Variants in ZNF750 observed in about 807,000 individuals in gnomAD.
ZNF750 encodes zinc finger protein 750, also known as protein ZNF750.
A neutral mutation model predicts 31.6 loss-of-function variants in ZNF750; 10 were observed. The observed-to-expected ratio is 0.32, with a 90% CI of 0.19 to 0.54. The LOEUF (loss-of-function observed/expected upper bound fraction) is 0.54, where lower values mean the gene tolerates loss of function less well. Among genes scored for constraint, ZNF750 ranks in the 20% least tolerant of loss-of-function variants. ZNF750 has a pLI of 0.95. For missense variants in ZNF750, 914 were observed against 934.9 expected (o/e 0.98, Z 0.29); for synonymous variants, 400 against 404.9 (o/e 0.99, Z 0.15).
rs1482186254 is a variant in ZNF750, at chr17:82,833,004, G to T, written c.-182-368C>A. On this transcript the variant is annotated intron_variant, in intron 1 of 2. Coordinates refer to ENST00000269394, the MANE Select transcript of ZNF750 (RefSeq NM_024702.3). The surrounding 1 kb of genome is among the most constrained non-coding windows in gnomAD (Gnocchi z 4.7). ...TTTCCTCGAAAGCGCCCTGCCGGGG[G>T]CTGAGGACACCGAGCCCCCTCCCAG... Among the ~76,000 whole-genome samples, 1 of 152,152 alleles carries T rather than the reference G, an allele frequency of 6.6e-6. No homozygotes were observed.
In ZNF750 at chr17:82,832,526, G is replaced by A. The variant is rs565671741; in HGVS notation, c.-72C>T. The A allele has an allele frequency of 1.4e-6, 2 of 1,405,808 alleles. No homozygotes were observed. The highest frequency in any genetic ancestry group is 1.4e-5 in the African/African-American group (1 of 71,058). The allele number at this position is 1,405,808 out of a possible 1,614,324, so 87.1% of individuals were successfully genotyped here. A position where few individuals can be genotyped will look rare whatever the true frequency, so the allele number is the denominator to read the frequency against. The stretch of plus-strand genomic sequence containing the variant: ...CTGTCGACGCCGCGTGCACTTCGTG[G>A]TTTCTAAAGAGGCACCTCCCGCTTT... On this transcript the variant is annotated 5_prime_UTR_variant, in exon 2 of 3. Coordinates refer to ENST00000269394, the MANE Select transcript of ZNF750 (RefSeq NM_024702.3). This position sits in a 1 kb window ranked among gnomAD's most constrained non-coding sequence, Gnocchi z 4.9.
rs1274947731 is a variant in ZNF750, at chr17:82,831,022, A to G, written c.1433T>C (p.Val478Ala). 5.0e-6 allele frequency: 8 copies of G among 1,614,132 alleles called. No homozygotes were observed. Among genetic ancestry groups the G allele is most frequent in the Non-Finnish European group, 6.8e-6 (8 of 1,180,036 alleles). The change falls in exon 2 of 3, where the codon GTA becomes GCA. Residue 478 changes from valine (V) to alanine (A), a missense_variant. By Grantham distance (64) the Val-to-Ala change is moderately conservative. Around this residue, in one of 2 missense-constraint regions of ZNF750, gnomAD observed 880 missense variants for 868.9 expected, o/e 1.01. Transcript: ENST00000269394. This position sits in a 1 kb window ranked among gnomAD's most constrained non-coding sequence, Gnocchi z 4.6. ...QAAETTAESP[V>A]SLNVVNGDPP... ...TTTGAAAATGACATTTTCTTACCTT[A>G]CTGGAGACTCTGCTGTGGTCTCAGC... is the stretch of plus-strand genomic sequence containing the variant.
chr17:82,832,499 C>T lies in ZNF750; in HGVS notation c.-45G>A, dbSNP rs532082181. The T allele has an allele frequency of 7.0e-5, 109 of 1,564,960 alleles. No individual in the cohort carries two copies. In the South Asian group the frequency reaches 1.1e-3, roughly 16 times the overall value. On this transcript the variant is annotated 5_prime_UTR_variant, in exon 2 of 3. Coordinates refer to ENST00000269394, the MANE Select transcript of ZNF750 (RefSeq NM_024702.3). The surrounding 1 kb of genome is among the most constrained non-coding windows in gnomAD (Gnocchi z 4.9). ...ACTCTGGCTGTCCAGGTGGCGTGAT[C>T]ACTGTCGACGCCGCGTGCACTTCGT...
Position 82,830,019 on chromosome 17 carries a change from TTTTG to T in ZNF750, c.*119_*122del. On this transcript the variant is annotated 3_prime_UTR_variant, in exon 3 of 3. Transcript: ENST00000269394. Reference sequence around the variant, plus strand: ...TTTTTGTTTGTTTGTTTGTTTGTTTTTTTGAGAAGCAGCAGCTGCATTTGTAAAA... The same window carrying T: ...TTTTTGTTTGTTTGTTTGTTTGTTTTAGAAGCAGCAGCTGCATTTGTAAAA... 6.9e-7 allele frequency: 1 copy of T among 1,443,494 alleles called. No homozygotes were observed. 89.4% of individuals were successfully genotyped at this position (1,443,494 alleles called of 1,614,324 possible).
In ZNF750 at chr17:82,829,907, T is replaced by TA; in HGVS notation, c.*234dup. The TA allele has an allele frequency of 1.6e-6, 1 of 621,700 alleles. No individual in the cohort carries two copies. Among genetic ancestry groups the TA allele is most frequent in the South Asian group, 2.0e-5 (1 of 49,842 alleles). The allele number at this position is 621,700 out of a possible 1,614,324, so 38.5% of individuals were successfully genotyped here. ...TAGACTTGAAAATACATATCAGTCT[T>TA]AGAGTCATTCAGGTGTTTTTACAAC... On this transcript the variant is annotated 3_prime_UTR_variant, in exon 3 of 3. Coordinates refer to ENST00000269394, the MANE Select transcript of ZNF750 (RefSeq NM_024702.3).
Position 82,832,735 on chromosome 17 carries a change from A to G in ZNF750, c.-182-99T>C, listed in dbSNP as rs11077947. 222,682 of 497,236 alleles carry G rather than the reference A, an allele frequency of 0.45. 50,433 individuals are homozygous for G. Among genetic ancestry groups the G allele is most frequent in the East Asian group, 0.53 (14,098 of 26,792 alleles). 30.8% of individuals were successfully genotyped at this position (497,236 alleles called of 1,614,324 possible). A position where few individuals can be genotyped will look rare whatever the true frequency, so the allele number is the denominator to read the frequency against. On this transcript the variant is annotated intron_variant, in intron 1 of 2. Transcript: ENST00000269394. The surrounding 1 kb of genome is among the most constrained non-coding windows in gnomAD (Gnocchi z 4.9). Reference sequence around the variant, plus strand: ...AGTGCCACAGGATCCCTGAAGCAGAACCCCTGAAGGGCTGAAACTGCCTGC... The same window carrying G: ...AGTGCCACAGGATCCCTGAAGCAGAGCCCCTGAAGGGCTGAAACTGCCTGC...
At position 82,832,156 on chromosome 17, in the gene ZNF750, G is replaced by C; in HGVS notation, c.299C>G (p.Ser100Trp). The change falls in exon 2 of 3, where the codon TCG becomes TGG. Residue 100 changes from serine (S) to tryptophan (W), a missense_variant. Transcript: ENST00000269394. The surrounding 1 kb of genome is among the most constrained non-coding windows in gnomAD (Gnocchi z 4.9). ...CCTGGCAGAGCTGTGCTGAAGCTTC[G>C]AGTCGAAGGCAGAGAGTCCATTTGC... ...SVANGLSAFDSKLQHSSARED... is the reference protein window; with the variant it reads ...SVANGLSAFDWKLQHSSARED... 2 of 1,614,220 alleles carry C rather than the reference G, an allele frequency of 1.2e-6. No homozygotes were observed. The highest frequency in any genetic ancestry group is 1.7e-6 in the Non-Finnish European group (2 of 1,180,044).
rs2053553065 is a variant in ZNF750 at position 82,831,924 on chromosome 17, C to T, written c.531G>A (p.Glu177=). Residue 177 remains glutamate (E), a synonymous_variant, in exon 2 of 3, where the codon GAG becomes GAA. Transcript: ENST00000269394. This position sits in a 1 kb window ranked among gnomAD's most constrained non-coding sequence, Gnocchi z 4.6. The part of the protein sequence containing the change: ...EHRLKGPDNA[E]APETLALHNP... The stretch of plus-strand genomic sequence containing the variant: ...TGTGTAAAGCCAGTGTCTCGGGCGC[C>T]TCGGCGTTGTCTGGCCCCTTGAGTC... The T allele has an allele frequency of 1.9e-6, 3 of 1,614,212 alleles. No individual in the cohort carries two copies. The highest frequency in any genetic ancestry group is 3.3e-5 in the Admixed American group (2 of 60,030).
chr17:82,836,454 C>G (rs114542425), intron 1 of ZNF750, among the ~76,000 whole-genome samples: 6 of 152,194 alleles, frequency 3.9e-5, no homozygotes, highest in Non-Finnish European at 8.8e-5. Flanking sequence ...CTCGCGAGAC[C>G]GAAACGCCGC....
Position 82,830,213 on chromosome 17 carries a change from C to T in ZNF750, c.2101G>A (p.Gly701Arg), listed in dbSNP as rs1395854673. Residue 701 changes from glycine (G) to arginine (R), a missense_variant, in exon 3 of 3, where the codon GGA becomes AGA. Coordinates refer to ENST00000269394, the MANE Select transcript of ZNF750 (RefSeq NM_024702.3). ...TCCTGCAGCTTCGCCTTCTTAGCTCCTTGCTGGGATTTTCCAGCATCCCTT... is the reference window on the plus strand; with the variant it reads ...TCCTGCAGCTTCGCCTTCTTAGCTCTTTGCTGGGATTTTCCAGCATCCCTT... ...SLRDAGKSQQ[G>R]AKKAKLQDTA... 1.2e-6 allele frequency: 2 copies of T among 1,614,154 alleles called. No individual in the cohort carries two copies. Among genetic ancestry groups the T allele is most frequent in the African/African-American group, 2.7e-5 (2 of 74,952 alleles).
chr17:82,831,589 C>T lies in ZNF750; in HGVS notation c.866G>A (p.Gly289Glu). ...TGGAGCCAGGTGCTTAGGGATCGGC[C>T]CCGGGTGAGGCAGGAAGTGTCTCGG... Reference protein sequence around the residue: ...QDPRHFLPHPGPIPKHLAPSP... With the variant: ...QDPRHFLPHPEPIPKHLAPSP... Residue 289 changes from glycine to glutamate, a missense_variant, in exon 2 of 3, where the codon GGG (glycine) becomes GAG (glutamate). Transcript: ENST00000269394. This position sits in a 1 kb window ranked among gnomAD's most constrained non-coding sequence, Gnocchi z 4.6. 3 of 1,614,020 alleles carry T rather than the reference C, an allele frequency of 1.9e-6. No homozygotes were observed. The highest frequency in any genetic ancestry group is 1.3e-5 in the African/African-American group (1 of 74,960).
Position 82,831,473 on chromosome 17 carries a change from A to C in ZNF750, c.982T>G (p.Phe328Val). 6.2e-7 allele frequency: 1 copy of C among 1,614,136 alleles called. No homozygotes were observed. The highest frequency in any genetic ancestry group is 8.5e-7 in the Non-Finnish European group (1 of 1,180,020). The part of the protein sequence containing the change: ...PYGFYRPESA[F>V]SSYGLRLPPV... ...GGGAGTCTGAGACCATAGGAGGAAAATGCAGACTCTGGCCTGTAAAATCCG... is the reference window on the plus strand; with the variant it reads ...GGGAGTCTGAGACCATAGGAGGAAACTGCAGACTCTGGCCTGTAAAATCCG... The change falls in exon 2 of 3, where the codon TTT becomes GTT. Residue 328 changes from phenylalanine to valine, a missense_variant. Transcript: ENST00000269394. The surrounding 1 kb of genome is among the most constrained non-coding windows in gnomAD (Gnocchi z 4.6).
intron 2 of ZNF750, 51 bp downstream of exon 2, chr17:82,830,968 A>G (rs970603960): frequency 1.9e-6 from 3 of 1,613,390 alleles, no homozygotes; most frequent in African/African-American, 2.7e-5. Context: ...TGGCTCATGG[A>G]ACCCAACCAG....
rs1473875775 is a variant in ZNF750 at position 82,833,480 on chromosome 17, A to C, written c.-182-844T>G. ...TTAAGTAGCATTTATGTTGTCTCAG[A>C]TATGAATACAAATGCTATATTTATG... On this transcript the variant is annotated intron_variant, in intron 1 of 2. Coordinates refer to ENST00000269394, the MANE Select transcript of ZNF750 (RefSeq NM_024702.3). This position sits in a 1 kb window ranked among gnomAD's most constrained non-coding sequence, Gnocchi z 4.7. Among the ~76,000 whole-genome samples the C allele has an allele frequency of 6.6e-6, 1 of 152,238 alleles. No individual in the cohort carries two copies. The highest frequency in any genetic ancestry group is 1.5e-5 in the Non-Finnish European group (1 of 68,042).
In ZNF750 at chr17:82,831,415, G is replaced by C. The variant is rs1001791048; in HGVS notation, c.1040C>G (p.Ser347Cys). 6.2e-7 allele frequency: 1 copy of C among 1,614,226 alleles called. No homozygotes were observed. Among genetic ancestry groups the C allele is most frequent in the African/African-American group, 1.3e-5 (1 of 75,058 alleles). ...CAGGGTGGCTTCTTCAAGCAGGTGA[G>C]AGCTCTGATCTCGGGTGAGGCCAGT... ...PVTGLTRDQS[S>C]HLLEEATLVY... The change falls in exon 2 of 3, where the codon TCT becomes TGT. Residue 347 changes from serine (S) to cysteine (C), a missense_variant. Ser to Cys is a moderately radical substitution (Grantham distance 112). This residue lies in a region of ZNF750 where 880 missense variants were observed against 868.9 expected (regional missense o/e 1.01). Transcript: ENST00000269394. The surrounding 1 kb of genome is among the most constrained non-coding windows in gnomAD (Gnocchi z 4.6).
In ZNF750 at chr17:82,832,551, T is replaced by C. The variant is rs1273018720; in HGVS notation, c.-97A>G. 8.8e-7 allele frequency: 1 copy of C among 1,131,230 alleles called. No individual in the cohort carries two copies. Among genetic ancestry groups the C allele is most frequent in the African/African-American group, 1.5e-5 (1 of 65,748 alleles). The allele number at this position is 1,131,230 out of a possible 1,614,324, so 70.1% of individuals were successfully genotyped here. On this transcript the variant is annotated 5_prime_UTR_variant, in exon 2 of 3. Coordinates refer to ENST00000269394, the MANE Select transcript of ZNF750 (RefSeq NM_024702.3). The surrounding 1 kb of genome is among the most constrained non-coding windows in gnomAD (Gnocchi z 4.9). Reference sequence around the variant, plus strand: ...GTTTCTAAAGAGGCACCTCCCGCTTTGCTTTCTTTCCCGATCACTTCTATC... The same window carrying C: ...GTTTCTAAAGAGGCACCTCCCGCTTCGCTTTCTTTCCCGATCACTTCTATC...
chr17:82,831,108 C>G lies in ZNF750; in HGVS notation c.1347G>C (p.Glu449Asp), dbSNP rs747352975. Residue 449 changes from glutamate (E) to aspartate (D), a missense_variant, in exon 2 of 3, where the codon GAG (glutamate) becomes GAC (aspartate). By Grantham distance (45) the Glu-to-Asp change is conservative (BLOSUM62 2). Around this residue, in one of 2 missense-constraint regions of ZNF750, gnomAD observed 880 missense variants for 868.9 expected, o/e 1.01. Coordinates refer to ENST00000269394, the MANE Select transcript of ZNF750 (RefSeq NM_024702.3). The surrounding 1 kb of genome is among the most constrained non-coding windows in gnomAD (Gnocchi z 4.6). ...SSALGRLYPP[E>D]QSLTAFRPVK... ...CAGGCCTGAAGGCTGTGAGGCTTTG[C>G]TCTGGCGGGTAGAGTCTTCCCAGTG... 1 of 1,614,184 alleles carries G rather than the reference C, an allele frequency of 6.2e-7. No individual in the cohort carries two copies. The highest frequency in any genetic ancestry group is 2.2e-5 in the East Asian group (1 of 44,876).
chr17:82,834,963 C>T (rs969102828), intron 1 of ZNF750, among the ~76,000 whole-genome samples: 4 of 151,934 alleles, frequency 2.6e-5, no homozygotes, highest in South Asian at 2.1e-4. Context: ...TTTGGGAGGC[C>T]GAGGTGGGAG....
chr17:82,834,713 G>C (rs2001310), intron 1 of ZNF750, among the ~76,000 whole-genome samples: 1 of 142,600 alleles, frequency 7.0e-6, no homozygotes, highest in Non-Finnish European at 1.5e-5. Context: ...ACCAGGGCCT[G>C]TTTAGGGGTG....
Sources: gnomAD v4.1 joint callset for allele counts (sites outside exome capture counted in the v4.1 genomes callset) on GRCh38, gnomAD v4.1.1 for gene constraint, gnomAD v4.1.1 regional missense constraint, Gnocchi (gnomAD v3.1) non-coding constraint, MANE v1.5 for transcripts, NCBI Gene and HGNC (gene_info 2026-07-23, HGNC 2026-07-21) for gene names.